ADGRB3: variants seen among roughly 807,000 people sequenced by gnomAD.
ADGRB3 encodes brain-specific angiogenesis inhibitor 3.
In ADGRB3, 37 loss-of-function variants were observed where a neutral mutation model predicts 193.4. The ratio of observed to expected loss-of-function variants is 0.19; its 90% CI spans 0.15 to 0.25. ADGRB3 has a LOEUF of 0.25. Among genes scored for constraint, ADGRB3 ranks in the 10% least tolerant of loss-of-function variants. ADGRB3 has a pLI of 1.00. For synonymous variants in ADGRB3, 690 were observed against 644.2 expected (o/e 1.07, Z -1.08); for missense variants, 1,637 against 1,852.9 (o/e 0.88, Z 2.14).
At chr6:68,828,175 T>TA (rs1369010185) in intron 3 of ADGRB3, among the ~76,000 whole-genome samples, 2 of 147,654 alleles carry the variant, frequency 1.4e-5, no homozygotes, top group Non-Finnish European at 3.0e-5. Flanking sequence ...ACAAAGTAAA[T>TA]AATACAGGTG....
chr6:69,120,189 G>A (rs1016757000), intron 17 of ADGRB3, among the ~76,000 whole-genome samples: 17 of 152,168 alleles, frequency 1.1e-4, no homozygotes, highest in Non-Finnish European at 2.2e-4. Flanking sequence ...GTTCTGCATC[G>A]CTTCTTTAAA....
intron 13 of ADGRB3, 61 bp downstream of exon 13, chr6:69,018,560 C>A: frequency 1.9e-6 from 2 of 1,053,344 alleles, no homozygotes; most frequent in South Asian, 1.4e-5. Context: ...CAAGTATCTA[C>A]ACCATACGTT....
In ADGRB3 at chr6:68,956,805, C is replaced by T. The variant is rs758278731; in HGVS notation, c.1521C>T (p.Cys507=). The part of the protein sequence containing the change: ...EEVRRCNEQR[C]PAPYEICPED... The stretch of plus-strand genomic sequence containing the variant: ...TGAGAAGATGCAATGAGCAGCGATG[C>T]CCTGGTGAGAATGAACCCAAATTAT... The change falls in exon 8 of 32, where the codon TGC becomes TGT. Residue 507 remains cysteine (C), a synonymous_variant. Coordinates refer to ENST00000370598, the MANE Select transcript of ADGRB3 (RefSeq NM_001704.3). 9 of 1,612,216 alleles carry T rather than the reference C, an allele frequency of 5.6e-6. No homozygotes were observed. Among genetic ancestry groups the T allele is most frequent in the Admixed American group, 1.7e-5 (1 of 59,876 alleles).
chr6:68,826,154 C>T (rs923828913), intron 3 of ADGRB3, among the ~76,000 whole-genome samples: 1 of 152,128 alleles, frequency 6.6e-6, no homozygotes, highest in Non-Finnish European at 1.5e-5. Flanking sequence ...CTTAGAAAGT[C>T]TCCATTTTAG....
At chr6:69,245,430 A>T (rs936899057) in intron 20 of ADGRB3, among the ~76,000 whole-genome samples, 1 of 152,108 alleles carries the variant, frequency 6.6e-6, no homozygotes, top group African/African-American at 2.4e-5. Flanking sequence ...GTAATAATAT[A>T]TTGGAACTCA....
chr6:68,980,364 C>A (rs1455046704), intron 10 of ADGRB3, among the ~76,000 whole-genome samples: 1 of 151,258 alleles, frequency 6.6e-6, no homozygotes, highest in Non-Finnish European at 1.5e-5. Context: ...ACAGAGAGAC[C>A]AAGAGAGACA....
chr6:69,274,521 CTTCT>C (rs1353863809), intron 20 of ADGRB3, among the ~76,000 whole-genome samples: 3 of 131,038 alleles, frequency 2.3e-5, no homozygotes, highest in African/African-American at 8.5e-5. Context: ...TTCTTCCTTC[CTTCT>C]TTCTACCTTC....
At chr6:68,683,897 G>T (rs1045367051) in intron 3 of ADGRB3, among the ~76,000 whole-genome samples, 2 of 152,132 alleles carry the variant, frequency 1.3e-5, no homozygotes, top group African/African-American at 2.4e-5. Flanking sequence ...AGTGACAGAT[G>T]TAAGTGCATA....
intron 3 of ADGRB3, among the ~76,000 whole-genome samples, chr6:68,674,867 T>G (rs188004412): frequency 1.7e-4 from 26 of 152,298 alleles, no homozygotes; most frequent in Non-Finnish European, 3.4e-4. Flanking sequence ...AAATCGTATG[T>G]TTTTCTAAAA....
chr6:69,059,294 A>G (rs999786351), intron 15 of ADGRB3, among the ~76,000 whole-genome samples: 4 of 152,050 alleles, frequency 2.6e-5, no homozygotes, highest in African/African-American at 7.2e-5. Context: ...TCTTTTGGTT[A>G]TCTTTTACAT....
intron 3 of ADGRB3, among the ~76,000 whole-genome samples, chr6:68,653,011 G>A (rs1469070071): frequency 6.6e-6 from 1 of 152,086 alleles, no homozygotes; most frequent in African/African-American, 2.4e-5. Context: ...CCTACTAATG[G>A]TTGTTTGGGG....
chr6:68,669,289 C>T (rs1768882017), intron 3 of ADGRB3, among the ~76,000 whole-genome samples: 1 of 151,778 alleles, frequency 6.6e-6, no homozygotes, highest in Non-Finnish European at 1.5e-5. Context: ...TACAATTACC[C>T]TGTTGTGCTA....
chr6:69,198,701 C>T (rs939126197), intron 17 of ADGRB3, among the ~76,000 whole-genome samples: 1 of 151,918 alleles, frequency 6.6e-6, no homozygotes, highest in Admixed American at 6.6e-5. Flanking sequence ...GTAACAGGGG[C>T]CAAATCATGT....
chr6:69,113,804 T>C (rs182401285), intron 17 of ADGRB3, among the ~76,000 whole-genome samples: 2 of 152,264 alleles, frequency 1.3e-5, no homozygotes, highest in East Asian at 3.9e-4. Context: ...TTAATAATGT[T>C]TTTCAGTATC....
chr6:69,226,331 A>G (rs889874970), intron 17 of ADGRB3, among the ~76,000 whole-genome samples: 2 of 152,256 alleles, frequency 1.3e-5, no homozygotes, highest in Non-Finnish European at 1.5e-5. Context: ...TGAATGATGT[A>G]GGAAACTCCA....
chr6:69,146,821 C>CTTTT (rs756561473), intron 17 of ADGRB3, among the ~76,000 whole-genome samples: 150 of 102,734 alleles, frequency 1.5e-3, no homozygotes, highest in East Asian at 5.1e-3. Context: ...CTCATTACTT[C>CTTTT]TTTTTTTTTT....
At chr6:68,791,468 GT>G (rs1357398466) in intron 3 of ADGRB3, among the ~76,000 whole-genome samples, 3 of 152,010 alleles carry the variant, frequency 2.0e-5, no homozygotes, top group Non-Finnish European at 4.4e-5. Flanking sequence ...TTTTCTTGTT[GT>G]TTCTGTGGAA....
chr6:68,960,436 G>T (rs1021367010), intron 8 of ADGRB3, among the ~76,000 whole-genome samples: 4 of 152,084 alleles, frequency 2.6e-5, no homozygotes, highest in African/African-American at 9.7e-5. Flanking sequence ...TGCAAAATTT[G>T]TCTTGAACAC....
At chr6:69,024,798 T>A (rs1770376930) in intron 13 of ADGRB3, among the ~76,000 whole-genome samples, 1 of 152,134 alleles carries the variant, frequency 6.6e-6, no homozygotes, top group Non-Finnish European at 1.5e-5. Context: ...TAGAAAATAT[T>A]AAATATTAAG....
Sources: gnomAD v4.1 joint callset for allele counts (sites outside exome capture counted in the v4.1 genomes callset) on GRCh38, gnomAD v4.1.1 for gene constraint, MANE v1.5 for transcripts, NCBI Gene and HGNC (gene_info 2026-07-23, HGNC 2026-07-21) for gene names.